PCBD1: variants seen among roughly 807,000 people sequenced by gnomAD.
PCBD1 encodes the protein pterin-4 alpha-carbinolamine dehydratase 1, also known as pterin-4-alpha-carbinolamine dehydratase.
Under a neutral mutation model 12.6 loss-of-function variants are expected in PCBD1, and 16 were observed. The observed-to-expected ratio is 1.27, with a 90% CI of 0.86 to 1.93. The LOEUF (loss-of-function observed/expected upper bound fraction) is 1.93, where lower values mean the gene tolerates loss of function less well. PCBD1 is among the 30% of genes most tolerant of loss of function. The pLI, the probability that PCBD1 is intolerant of heterozygous loss-of-function variation, is 0.00. For synonymous variants in PCBD1, 53 were observed against 50.2 expected, an observed-to-expected ratio of 1.05 and a Z score of -0.23; for missense variants, 86 against 130.1, an observed-to-expected ratio of 0.66 and a Z score of 1.65.
At chr10:70,884,331 C>G (rs189994844) in intron 3 of PCBD1, among the ~76,000 whole-genome samples, 1 of 152,320 alleles carries the variant, frequency 6.6e-6, no homozygotes. Context: ...AATGCCAACT[C>G]CTAAACACTA....
In PCBD1 at chr10:70,883,846, T is replaced by C; in HGVS notation, c.*104A>G. The C allele has an allele frequency of 1.3e-6, 2 of 1,545,304 alleles. No individual in the cohort carries two copies. The highest frequency in any genetic ancestry group is 8.7e-7 in the Non-Finnish European group (1 of 1,145,362). The stretch of plus-strand genomic sequence containing the variant: ...AGCCCTCAACGGCGGCGGCTGGGTC[T>C]TGGGAGGGGAGTGGTGGGAGGGTAA... On this transcript the variant is annotated 3_prime_UTR_variant, in exon 4 of 4. Coordinates refer to ENST00000299299, the MANE Select transcript of PCBD1 (RefSeq NM_000281.4).
chr10:70,888,491 C>A, intron 1 of PCBD1, 40 bp downstream of exon 1: 1 of 1,447,194 alleles, frequency 6.9e-7, no homozygotes, highest in Non-Finnish European at 9.1e-7. Flanking sequence ...GCTGCCCCGG[C>A]CCCGCTGCCC....
intron 1 of PCBD1, among the ~76,000 whole-genome samples, chr10:70,886,902 C>G (rs976089935): frequency 2.0e-5 from 3 of 152,200 alleles, no homozygotes; most frequent in African/African-American, 7.2e-5. Flanking sequence ...GGATCCAGGT[C>G]TAGGAGCTTA....
intron 3 of PCBD1, 37 bp from the exon 4 acceptor site, chr10:70,884,085 C>T: frequency 6.2e-7 from 1 of 1,601,036 alleles, no homozygotes; most frequent in Non-Finnish European, 8.5e-7. Context: ...CCACTGACTT[C>T]ACTTAAGAAC....
chr10:70,886,084 T>C (rs1485754552), intron 1 of PCBD1, among the ~76,000 whole-genome samples, 155 bp from the exon 2 acceptor site: 1 of 152,192 alleles, frequency 6.6e-6, no homozygotes, highest in Non-Finnish European at 1.5e-5. Flanking sequence ...CTGGGAGGCC[T>C]CAAGGGTGGC....
At chr10:70,888,437 GA>G in intron 1 of PCBD1, 93 bp downstream of exon 1, 2 of 1,399,724 alleles carry the variant, frequency 1.4e-6, no homozygotes, top group Non-Finnish European at 1.9e-6. Flanking sequence ...CAGGGGACTC[GA>G]AAAGACTTTC....
chr10:70,886,073 G>T, intron 1 of PCBD1, 144 bp from the exon 2 acceptor site: 4 of 1,125,216 alleles, frequency 3.6e-6, no homozygotes, highest in Non-Finnish European at 5.2e-6. Flanking sequence ...TGAGCAATAG[G>T]CTGGGAGGCC....
intron 3 of PCBD1, among the ~76,000 whole-genome samples, chr10:70,884,656 G>A (rs1846554983): frequency 6.6e-6 from 1 of 151,854 alleles, no homozygotes; most frequent in African/African-American, 2.4e-5. Context: ...TAATTTTTTT[G>A]TGTTTTTAGT....
In PCBD1 at chr10:70,885,244, G is replaced by A. The variant is rs763002528; in HGVS notation, c.136-12C>T. 6.2e-7 allele frequency: 1 copy of A among 1,608,444 alleles called. No individual in the cohort carries two copies. Among genetic ancestry groups the A allele is most frequent in the Non-Finnish European group, 8.5e-7 (1 of 1,174,834 alleles). Reference sequence around the variant, plus strand: ...ATGAACCCAAAGGCCTATTTAAGTGGAGTGAGAGCCAGGTTAGTGTTCTAA... The same window carrying A: ...ATGAACCCAAAGGCCTATTTAAGTGAAGTGAGAGCCAGGTTAGTGTTCTAA... On this transcript the variant is annotated splice_polypyrimidine_tract_variant and intron_variant, in intron 2 of 3. Coordinates refer to ENST00000299299, the MANE Select transcript of PCBD1 (RefSeq NM_000281.4).
chr10:70,886,022 T>TAAA, intron 1 of PCBD1, 93 bp from the exon 2 acceptor site: 1 of 1,516,374 alleles, frequency 6.6e-7, no homozygotes, highest in Non-Finnish European at 9.0e-7. Context: ...TAGCTTCCAC[T>TAAA]GGCTGCTTTG....
At chr10:70,886,890 G>A (rs539734079) in intron 1 of PCBD1, among the ~76,000 whole-genome samples, 1 of 152,218 alleles carries the variant, frequency 6.6e-6, no homozygotes, top group East Asian at 1.9e-4. Context: ...TTCATCCTAG[G>A]AGGATCCAGG....
intron 3 of PCBD1, among the ~76,000 whole-genome samples, chr10:70,884,819 A>G (rs747195460): frequency 3.5e-4 from 54 of 152,122 alleles, no homozygotes; most frequent in Admixed American, 5.2e-4. Flanking sequence ...AGCCATTTAG[A>G]GCTATGAACA....
chr10:70,888,390 C>G, intron 1 of PCBD1, 141 bp downstream of exon 1: 1 of 954,730 alleles, frequency 1.0e-6, no homozygotes, highest in Non-Finnish European at 1.4e-6. Context: ...GACAGAGAGC[C>G]GGGCAGAGAC....
Position 70,884,632 on chromosome 10 carries a change from C to T in PCBD1, c.216+520G>A, listed in dbSNP as rs969623647. 7.9e-5 allele frequency among the ~76,000 whole-genome samples: 12 copies of T among 152,140 alleles called. 1 individual carries two copies. In the East Asian group the frequency reaches 1.4e-3, roughly 17 times the overall value. On this transcript the variant is annotated intron_variant, in intron 3 of 3. Transcript: ENST00000299299. ...CAGTAGCTGGGACTACAGGCGTCCA[C>T]CACCGCGCCCGCCTAATTTTTTTGT...
rs749751658 is a variant in PCBD1 at position 70,884,025 on chromosome 10, A to G, written c.240T>C (p.His80=). The G allele has an allele frequency of 6.2e-6, 10 of 1,614,088 alleles. No individual in the cohort carries two copies. Among genetic ancestry groups the G allele is most frequent in the Admixed American group, 3.3e-5 (2 of 60,026 alleles). ...YNKVHITLST[H]ECAGLSERDI... is the part of the protein sequence containing the mutation. Reference sequence around the variant, plus strand: ...CCCGTTCTGAAAGGCCGGCACACTCATGGGTGCTCAGCGTGATGTGGACCT... The same window carrying G: ...CCCGTTCTGAAAGGCCGGCACACTCGTGGGTGCTCAGCGTGATGTGGACCT... The change falls in exon 4 of 4, where the codon CAT becomes CAC. Residue 80 remains histidine, a synonymous_variant. Transcript: ENST00000299299.
intron 1 of PCBD1, 111 bp from the exon 2 acceptor site, chr10:70,886,040 G>T: frequency 7.2e-7 from 1 of 1,385,132 alleles, no homozygotes; most frequent in Non-Finnish European, 9.9e-7. Context: ...TTGGACGTGG[G>T]TGACCAAAGG....
At chr10:70,886,417 C>T (rs745936840) in intron 1 of PCBD1, among the ~76,000 whole-genome samples, 31 of 152,160 alleles carry the variant, frequency 2.0e-4, no homozygotes, top group Non-Finnish European at 4.1e-4. Flanking sequence ...ACGTCCCTAC[C>T]GTAACTTTCA....
intron 1 of PCBD1, 140 bp downstream of exon 1, chr10:70,888,391 G>T (rs1220407139): frequency 4.2e-6 from 4 of 961,658 alleles, no homozygotes; most frequent in Admixed American, 4.0e-5. Context: ...ACAGAGAGCC[G>T]GGCAGAGACC....
chr10:70,883,435 G>A, downstream of PCBD1: 1 of 738,678 alleles, frequency 1.4e-6, no homozygotes. Context: ...TAGCACAGAG[G>A]AAGTGCTTTC....
Sources: allele counts gnomAD v4.1 joint callset (sites outside exome capture counted in the v4.1 genomes callset), GRCh38; gene constraint gnomAD v4.1.1; transcripts MANE v1.5; gene names NCBI Gene and HGNC (gene_info 2026-07-23, HGNC 2026-07-21).